Variants in ATAD2B observed in about 807,000 individuals in gnomAD.
ATAD2B encodes the protein ATPase family AAA domain-containing protein 2B.
A neutral mutation model predicts 167.6 loss-of-function variants in ATAD2B; 40 were observed. That is an observed-to-expected ratio of 0.24 (90% confidence interval 0.19 to 0.31). ATAD2B has a LOEUF of 0.31. Among genes scored for constraint, ATAD2B ranks in the 10% least tolerant of loss-of-function variants. The pLI is 1.00. For missense variants in ATAD2B, 1,242 were observed against 1,757.2 expected, an observed-to-expected ratio of 0.71 and a Z score of 5.24; for synonymous variants, 579 against 596.5, an observed-to-expected ratio of 0.97 and a Z score of 0.43.
intron 20 of ATAD2B, among the ~76,000 whole-genome samples, chr2:23,787,263 T>C (rs1394267652): frequency 6.6e-6 from 1 of 152,040 alleles, no homozygotes; most frequent in East Asian, 1.9e-4. Context: ...GAATTAAAAT[T>C]CTAAGAATTT....
At chr2:23,723,700 G>C in the ATAD2B span, among the ~76,000 whole-genome samples, 1 of 152,170 alleles carries the variant, frequency 6.6e-6, no homozygotes. Flanking sequence ...ATGGAGAACA[G>C]TATGGAGGGT....
the ATAD2B span, among the ~76,000 whole-genome samples, chr2:23,736,962 G>A: frequency 6.6e-6 from 1 of 152,228 alleles, no homozygotes; most frequent in African/African-American, 2.4e-5. Context: ...AGCGGTCCCA[G>A]ATCACACTGC....
intron 1 of ATAD2B, among the ~76,000 whole-genome samples, chr2:23,924,191 C>A (rs1704382023): frequency 6.6e-6 from 1 of 151,974 alleles, no homozygotes; most frequent in Non-Finnish European, 1.5e-5. Context: ...CAAAAAAAAA[C>A]AAACAAACAA....
chr2:23,684,439 G>A, the ATAD2B span: 31 of 1,550,546 alleles, frequency 2.0e-5, no homozygotes, highest in Middle Eastern at 3.3e-4. This position sits in a 1 kb window ranked among gnomAD's most constrained non-coding sequence, Gnocchi z 4.4. Flanking sequence ...GAGCGAAAGC[G>A]TTTACAGACC....
intron 9 of ATAD2B, among the ~76,000 whole-genome samples, chr2:23,868,910 A>G (rs1349425414): frequency 6.6e-6 from 1 of 152,238 alleles, no homozygotes; most frequent in African/African-American, 2.4e-5. Context: ...CCTAATTTAT[A>G]AAAATATATT....
intron 1 of ATAD2B, among the ~76,000 whole-genome samples, chr2:23,916,738 G>A (rs1354966075): frequency 6.6e-6 from 1 of 152,198 alleles, no homozygotes; most frequent in Admixed American, 6.5e-5. Context: ...ATAAACTTCA[G>A]ATATAATGAT....
At chr2:23,908,374 A>C (rs966896589) in intron 1 of ATAD2B, among the ~76,000 whole-genome samples, 2 of 152,236 alleles carry the variant, frequency 1.3e-5, no homozygotes, top group African/African-American at 2.4e-5. Context: ...CAGCCAAAAA[A>C]CACGTGAAAA....
chr2:23,786,643 T>TA (rs1450376683), intron 20 of ATAD2B, among the ~76,000 whole-genome samples: 1 of 152,092 alleles, frequency 6.6e-6, no homozygotes, highest in Admixed American at 6.6e-5. Flanking sequence ...AAAACGTCAT[T>TA]ATGCAGCGCA....
intron 1 of ATAD2B, among the ~76,000 whole-genome samples, chr2:23,904,438 GT>G (rs1379125938): frequency 6.6e-6 from 1 of 152,080 alleles, no homozygotes; most frequent in African/African-American, 2.4e-5. Flanking sequence ...GGAGCAAGTG[GT>G]GAGCAAGTAC....
At chr2:23,882,310 C>T (rs1182813596) in intron 6 of ATAD2B, among the ~76,000 whole-genome samples, 1 of 151,814 alleles carries the variant, frequency 6.6e-6, no homozygotes, top group East Asian at 1.9e-4. Flanking sequence ...ATTCTCATAT[C>T]TCAGCCTCCC....
chr2:23,696,066 C>T, the ATAD2B span: 1 of 1,551,850 alleles, frequency 6.4e-7, no homozygotes, highest in Non-Finnish European at 8.7e-7. This position sits in a 1 kb window ranked among gnomAD's most constrained non-coding sequence, Gnocchi z 5.5. Flanking sequence ...ACCCCTTGGC[C>T]TCGCTGCCCT....
the ATAD2B span, chr2:23,690,400 C>T: frequency 6.6e-6 from 1 of 152,366 alleles, no homozygotes; most frequent in East Asian, 1.9e-4. Flanking sequence ...GCCCCCTGCT[C>T]TTTCCGCCCA....
intron 13 of ATAD2B, among the ~76,000 whole-genome samples, chr2:23,855,266 G>A (rs144007162): frequency 2.0e-4 from 30 of 150,392 alleles, no homozygotes; most frequent in Middle Eastern, 3.5e-3. Flanking sequence ...AAAAAATGGC[G>A]CAAAAGATTT....
the ATAD2B span, among the ~76,000 whole-genome samples, chr2:23,718,699 C>A: frequency 6.6e-6 from 1 of 152,180 alleles, no homozygotes; most frequent in Admixed American, 6.5e-5. Context: ...TTTGGGAGGT[C>A]AGAAGTCTAA....
At chr2:23,680,909 G>A in the ATAD2B span, among the ~76,000 whole-genome samples, 1 of 152,174 alleles carries the variant, frequency 6.6e-6, no homozygotes, top group Non-Finnish European at 1.5e-5. This position sits in a 1 kb window ranked among gnomAD's most constrained non-coding sequence, Gnocchi z 4.1. Flanking sequence ...ACCCAGCCCC[G>A]AGGCCTGCAA....
chr2:23,904,064 TAAG>T (rs946058577), intron 1 of ATAD2B, among the ~76,000 whole-genome samples: 1 of 151,974 alleles, frequency 6.6e-6, no homozygotes, highest in Non-Finnish European at 1.5e-5. Context: ...GCCAGAAATC[TAAG>T]GAGAGGTCTA....
the ATAD2B span, among the ~76,000 whole-genome samples, chr2:23,735,302 T>C: frequency 7.1e-6 from 1 of 140,496 alleles, no homozygotes; most frequent in African/African-American, 2.6e-5. Flanking sequence ...AACTCAATAC[T>C]TACTTAGCAA....
chr2:23,757,288 GA>G (rs1676064711), intron 25 of ATAD2B, 129 bp downstream of exon 25: 1 of 688,834 alleles, frequency 1.5e-6, no homozygotes, highest in Admixed American at 3.8e-5. Context: ...AGAATAGGAT[GA>G]AAACTTTAAC....
Position 23,751,733 on chromosome 2 carries a change from CA to C in ATAD2B, c.*312del. The C allele has an allele frequency of 2.8e-6, 1 of 363,106 alleles. No individual in the cohort carries two copies. The highest frequency in any genetic ancestry group is 5.0e-6 in the Non-Finnish European group (1 of 200,766). The allele number at this position is 363,106 out of a possible 1,614,324, so 22.5% of individuals were successfully genotyped here. On this transcript the variant is annotated 3_prime_UTR_variant, in exon 28 of 28. Transcript: ENST00000238789. ...GTCTGCTCCCTAAGAGAGGAGTCTC[CA>C]AAAGAGAGTGCACAAAAAGAGGAGC...
Sources: allele counts gnomAD v4.1 joint callset (sites outside exome capture counted in the v4.1 genomes callset), GRCh38; gene constraint gnomAD v4.1.1; non-coding constraint Gnocchi (gnomAD v3.1); transcripts MANE v1.5; gene names NCBI Gene and HGNC (gene_info 2026-07-23, HGNC 2026-07-21).